PTK2: variants seen among roughly 807,000 people sequenced by gnomAD.
PTK2 encodes protein tyrosine kinase 2.
A neutral mutation model predicts 150.1 loss-of-function variants in PTK2; 45 were observed. The ratio of observed to expected loss-of-function variants is 0.30; its 90% confidence interval spans 0.24 to 0.38. The LOEUF is 0.38. PTK2 is among the 10% of genes least tolerant of loss of function. PTK2 has a pLI of 1.00. For missense variants in PTK2, 919 were observed against 1,307.3 expected, an observed-to-expected ratio of 0.70 and a Z score of 4.58; for synonymous variants, 432 against 449.2, an observed-to-expected ratio of 0.96 and a Z score of 0.48.
chr8:140,783,928 C>T (rs899056041), intron 14 of PTK2, among the ~76,000 whole-genome samples: 3 of 152,088 alleles, frequency 2.0e-5, no homozygotes, highest in Non-Finnish European at 4.4e-5. Flanking sequence ...TTTGGAAGGC[C>T]GAGGTGGGTG....
In PTK2 at chr8:140,800,656, A is replaced by G. The variant is rs774122169; in HGVS notation, c.976-80T>C. 6.0e-4 allele frequency: 615 copies of G among 1,031,500 alleles called. 1 individual carries two copies. The highest frequency in any genetic ancestry group is 8.4e-4 in the Non-Finnish European group (558 of 661,504). The allele number at this position is 1,031,500 out of a possible 1,614,324, so 63.9% of individuals were successfully genotyped here. On this transcript the variant is annotated intron_variant, in intron 11 of 31. Coordinates refer to ENST00000522684, the Ensembl canonical transcript of PTK2. ...GGACAGCTGTGCTATGACATCAGAC[A>G]TCTCTATACACTTGAAAACAGAGAA...
At chr8:140,905,006 T>C (rs2100160284) in intron 2 of PTK2, among the ~76,000 whole-genome samples, 1 of 152,200 alleles carries the variant, frequency 6.6e-6, no homozygotes, top group Non-Finnish European at 1.5e-5. Context: ...AGTTCTGCTC[T>C]AATCTTAGTT....
At chr8:140,852,305 T>A (rs2100129794) in intron 5 of PTK2, among the ~76,000 whole-genome samples, 1 of 151,998 alleles carries the variant, frequency 6.6e-6, no homozygotes, top group Non-Finnish European at 1.5e-5. Flanking sequence ...CTTGCTAGAG[T>A]TAGGGATGGG....
At chr8:140,906,234 G>A (rs2100160824) in intron 2 of PTK2, among the ~76,000 whole-genome samples, 1 of 152,118 alleles carries the variant, frequency 6.6e-6, no homozygotes, top group Non-Finnish European at 1.5e-5. Flanking sequence ...TGGCAAGGAT[G>A]CAGAGAAAGA....
chr8:140,942,232 T>A (rs747407263), intron 1 of PTK2, among the ~76,000 whole-genome samples: 2 of 152,190 alleles, frequency 1.3e-5, no homozygotes, highest in African/African-American at 2.4e-5. Flanking sequence ...TACCCTACCA[T>A]TATAGCTCAT....
intron 20 of PTK2, among the ~76,000 whole-genome samples, chr8:140,741,810 TA>T (rs2100055857): frequency 6.6e-6 from 1 of 152,094 alleles, no homozygotes; most frequent in Admixed American, 6.5e-5. Flanking sequence ...TTGGCAAAAT[TA>T]AACACAACTG....
intron 8 of PTK2, among the ~76,000 whole-genome samples, chr8:140,829,540 G>A (rs1380212930): frequency 2.0e-5 from 3 of 152,154 alleles, no homozygotes; most frequent in Non-Finnish European, 4.4e-5. Context: ...TTTTACGGAT[G>A]TGTAAACTGA....
chr8:140,879,410 A>G (rs2100147603), intron 4 of PTK2, 61 bp downstream of exon 4: 1 of 1,469,370 alleles, frequency 6.8e-7, no homozygotes, highest in Non-Finnish European at 9.2e-7. Context: ...TATCTTGTGC[A>G]TGTTTTTAAA....
At chr8:140,893,333 C>T (rs973518168) in intron 2 of PTK2, among the ~76,000 whole-genome samples, 3 of 152,174 alleles carry the variant, frequency 2.0e-5, no homozygotes, top group Non-Finnish European at 2.9e-5. Flanking sequence ...AACACCCTCA[C>T]ATGTGAATGG....
At chr8:140,890,624 C>T (rs768635115) in exon 3 of PTK2, 34 of 1,613,900 alleles carry the variant, frequency 2.1e-5, no homozygotes, top group Non-Finnish European at 2.5e-6. Flanking sequence ...AATGAAAGAC[C>T]TTTAATACTC....
chr8:140,755,208 A>G (rs1357209409), intron 16 of PTK2, among the ~76,000 whole-genome samples: 1 of 152,250 alleles, frequency 6.6e-6, no homozygotes, highest in East Asian at 1.9e-4. Flanking sequence ...GCCAGTGATC[A>G]GCAGGTGCTT....
chr8:140,804,237 T>TC (rs1385291507), intron 10 of PTK2, among the ~76,000 whole-genome samples: 2 of 151,574 alleles, frequency 1.3e-5, no homozygotes, highest in Non-Finnish European at 2.9e-5. Flanking sequence ...TCTTTTTTTT[T>TC]TTCTTTTTCT....
At chr8:140,692,651 A>C (rs1232634112) in intron 26 of PTK2, among the ~76,000 whole-genome samples, 1 of 152,164 alleles carries the variant, frequency 6.6e-6, no homozygotes, top group Non-Finnish European at 1.5e-5. Context: ...CAAAAAAAAA[A>C]AACAGTTCGG....
chr8:140,719,324 T>C (rs1297808680), intron 22 of PTK2, among the ~76,000 whole-genome samples: 2 of 152,168 alleles, frequency 1.3e-5, no homozygotes, highest in Non-Finnish European at 2.9e-5. Context: ...CTTCACAGTA[T>C]TTAAGAATTC....
chr8:140,965,333 C>T (rs1441060064), intron 1 of PTK2, among the ~76,000 whole-genome samples: 1 of 152,174 alleles, frequency 6.6e-6, no homozygotes, highest in Non-Finnish European at 1.5e-5. Flanking sequence ...CATTGCTTAA[C>T]TTGATGTACA....
At chr8:140,829,668 G>A (rs964784747) in intron 8 of PTK2, among the ~76,000 whole-genome samples, 1 of 152,052 alleles carries the variant, frequency 6.6e-6, no homozygotes, top group African/African-American at 2.4e-5. Context: ...AAAATAAAAA[G>A]TAAGAGCAGT....
chr8:140,839,083 A>C (rs2100120655), intron 7 of PTK2, among the ~76,000 whole-genome samples: 1 of 152,202 alleles, frequency 6.6e-6, no homozygotes, highest in Non-Finnish European at 1.5e-5. Context: ...GCTACAATGA[A>C]GAATGTTTAG....
intron 3 of PTK2, among the ~76,000 whole-genome samples, chr8:140,881,885 G>T (rs2100149305): frequency 1.3e-5 from 2 of 152,164 alleles, no homozygotes; most frequent in Non-Finnish European, 2.9e-5. Context: ...TCACGTAAGA[G>T]AGAGAATCTT....
intron 19 of PTK2, 127 bp from the exon 23 acceptor site, chr8:140,743,457 A>G (rs772022834): frequency 1.9e-6 from 1 of 525,926 alleles, no homozygotes; most frequent in Non-Finnish European, 3.3e-6. Flanking sequence ...AGATTATATG[A>G]TATTTATTAT....
Sources: allele counts gnomAD v4.1 joint callset (sites outside exome capture counted in the v4.1 genomes callset), GRCh38; gene constraint gnomAD v4.1.1; transcripts MANE v1.5; gene names NCBI Gene and HGNC (gene_info 2026-07-23, HGNC 2026-07-21).